ADAM20: variants seen among roughly 807,000 people sequenced by gnomAD.
ADAM20 encodes the protein disintegrin and metalloproteinase domain-containing protein 20.
For missense variants in ADAM20, 871 were observed against 883.2 expected (o/e 0.99, Z 0.18); for synonymous variants, 305 against 310.2 (o/e 0.98, Z 0.18).
the ADAM20 span, chr14:70,556,166 G>A: frequency 1.3e-5 from 2 of 152,352 alleles, no homozygotes; most frequent in Admixed American, 6.5e-5. Flanking sequence ...CCCTGCCAGC[G>A]GCGCACAAAC....
the ADAM20 span, chr14:70,557,165 A>G: frequency 6.6e-6 from 1 of 152,024 alleles, no homozygotes; most frequent in African/African-American, 2.4e-5. Flanking sequence ...TGCTATAATT[A>G]AAAAATCAGT....
chr14:70,536,897 C>T (rs562582422), upstream of ADAM20, among the ~76,000 whole-genome samples: 1 of 147,644 alleles, frequency 6.8e-6, no homozygotes, highest in African/African-American at 2.6e-5. Context: ...CTCTCTCACC[C>T]TAAAACCAAT....
intron 1 of ADAM20, among the ~76,000 whole-genome samples, chr14:70,526,338 T>C (rs1242794494): frequency 1.3e-5 from 2 of 152,174 alleles, no homozygotes; most frequent in African/African-American, 2.4e-5. Flanking sequence ...TATCCCTCCA[T>C]GTGGGTGTCC....
chr14:70,578,434 T>A, the ADAM20 span, among the ~76,000 whole-genome samples: 1 of 151,972 alleles, frequency 6.6e-6, no homozygotes, highest in Non-Finnish European at 1.5e-5. Flanking sequence ...TTGGCCTAGG[T>A]GAAGAACTTA....
At chr14:70,571,634 G>A in the ADAM20 span, among the ~76,000 whole-genome samples, 1 of 152,106 alleles carries the variant, frequency 6.6e-6, no homozygotes, top group Non-Finnish European at 1.5e-5. Context: ...AGTCCTAGCT[G>A]GAGCAATCAG....
At chr14:70,569,959 A>C in the ADAM20 span, among the ~76,000 whole-genome samples, 1 of 151,344 alleles carries the variant, frequency 6.6e-6, no homozygotes, top group Admixed American at 6.6e-5. Flanking sequence ...TACCTAATAG[A>C]CATCTACAGA....
rs1883620015 is a variant in ADAM20 at position 70,527,692 on chromosome 14, C to A, written c.-176-2759G>T. Among the ~76,000 whole-genome samples the A allele has an allele frequency of 2.0e-5, 3 of 152,150 alleles. No homozygotes were observed. In the South Asian group the frequency reaches 6.2e-4, roughly 32 times the overall value. ...ACAGAGGATTAAGTTCTTAATCTCGCTGCTCAGCAACAAGGTCCTCTCAGT... is the reference window on the plus strand; with the variant it reads ...ACAGAGGATTAAGTTCTTAATCTCGATGCTCAGCAACAAGGTCCTCTCAGT... On this transcript the variant is annotated intron_variant, in intron 1 of 1. Coordinates refer to ENST00000256389, the MANE Select transcript of ADAM20 (RefSeq NM_003814.5).
At chr14:70,555,216 T>C in the ADAM20 span, among the ~76,000 whole-genome samples, 1 of 152,236 alleles carries the variant, frequency 6.6e-6, no homozygotes, top group South Asian at 2.1e-4. Flanking sequence ...GTTAACAGTA[T>C]TGTATTTTAT....
chr14:70,544,233 C>T, the ADAM20 span, among the ~76,000 whole-genome samples: 1 of 152,206 alleles, frequency 6.6e-6, no homozygotes, highest in African/African-American at 2.4e-5. Flanking sequence ...GCACTCCTGA[C>T]CAAAATAGGC....
intron 1 of ADAM20, among the ~76,000 whole-genome samples, chr14:70,525,430 C>T (rs1164725322): frequency 6.6e-6 from 1 of 152,018 alleles, no homozygotes; most frequent in African/African-American, 2.4e-5. Context: ...CTATGTTACC[C>T]AGGCTGGTCT....
At chr14:70,576,675 G>C in the ADAM20 span, among the ~76,000 whole-genome samples, 1 of 152,272 alleles carries the variant, frequency 6.6e-6, no homozygotes, top group South Asian at 2.1e-4. Flanking sequence ...GTAATTCACA[G>C]AGAGCAGGGT....
At position 70,523,204 on chromosome 14, in the gene ADAM20, A is replaced by C; in HGVS notation, c.1554T>G (p.Ile518Met). ...ATGCACTCCTTGCATCTTGGCCAAA[A>C]ATCTCTTTACATTGTATATCATGGT... is the stretch of plus-strand genomic sequence containing the variant. Reference protein sequence around the residue: ...CNNHDIQCKEIFGQDARSASQ... With the variant: ...CNNHDIQCKEMFGQDARSASQ... The change falls in exon 2 of 2, where the codon ATT becomes ATG. Residue 518 changes from isoleucine to methionine, a missense_variant. Coordinates refer to ENST00000256389, the MANE Select transcript of ADAM20 (RefSeq NM_003814.5). 1 of 1,613,904 alleles carries C rather than the reference A, an allele frequency of 6.2e-7. No homozygotes were observed. Among genetic ancestry groups the C allele is most frequent in the Admixed American group, 1.7e-5 (1 of 59,984 alleles).
At chr14:70,558,460 G>A in the ADAM20 span, among the ~76,000 whole-genome samples, 1,636 of 152,186 alleles carry the variant, frequency 0.011, 16 homozygotes, top group African/African-American at 0.037. Context: ...ATATGTATCT[G>A]TGTGCCTGTG....
chr14:70,573,447 G>C, the ADAM20 span, among the ~76,000 whole-genome samples: 1 of 152,162 alleles, frequency 6.6e-6, no homozygotes, highest in Non-Finnish European at 1.5e-5. Flanking sequence ...GACGAAGATG[G>C]GAAAGAGTTG....
At chr14:70,568,922 A>G in the ADAM20 span, among the ~76,000 whole-genome samples, 1 of 152,158 alleles carries the variant, frequency 6.6e-6, no homozygotes, top group Admixed American at 6.5e-5. Flanking sequence ...CTTGCTAGAG[A>G]GGTCAAGAAC....
chr14:70,545,847 C>A, the ADAM20 span, among the ~76,000 whole-genome samples: 1 of 152,210 alleles, frequency 6.6e-6, no homozygotes, highest in South Asian at 2.1e-4. Flanking sequence ...ACTTAACCTG[C>A]AGTATGGATC....
chr14:70,565,977 T>C, the ADAM20 span, among the ~76,000 whole-genome samples: 1 of 149,962 alleles, frequency 6.7e-6, no homozygotes, highest in African/African-American at 2.4e-5. Context: ...CCAGCAAAGC[T>C]GTCCTTCAGA....
At chr14:70,564,880 A>G in the ADAM20 span, among the ~76,000 whole-genome samples, 3 of 149,422 alleles carry the variant, frequency 2.0e-5, no homozygotes, top group Non-Finnish European at 4.4e-5. Flanking sequence ...GACCCCTTGT[A>G]TAAAAAAATT....
intron 1 of ADAM20, among the ~76,000 whole-genome samples, chr14:70,528,153 C>T (rs1883630351): frequency 6.6e-6 from 1 of 152,118 alleles, no homozygotes; most frequent in South Asian, 2.1e-4. Context: ...AATGTTCATA[C>T]TTTTGGCTAA....
Sources: gnomAD v4.1 joint callset for allele counts (sites outside exome capture counted in the v4.1 genomes callset) on GRCh38, gnomAD v4.1.1 for gene constraint, MANE v1.5 for transcripts, NCBI Gene and HGNC (gene_info 2026-07-23, HGNC 2026-07-21) for gene names.